The following PPP2R1B variants were observed in gnomAD, a reference collection of about 807,000 sequenced individuals.
The protein encoded by PPP2R1B is protein phosphatase 2 scaffold subunit Abeta.
A neutral mutation model predicts 72.7 loss-of-function variants in PPP2R1B; 58 were observed. That is an observed-to-expected ratio of 0.80 (90% CI 0.65 to 0.99). The LOEUF (loss-of-function observed/expected upper bound fraction) is 0.99. Ranked by LOEUF, PPP2R1B falls within the 50% of genes least tolerant of loss-of-function variation. The probability of loss-of-function intolerance (pLI) is 0.00; values close to 1 mark genes in which losing one functional copy is unlikely to be tolerated. For synonymous variants in PPP2R1B, 256 were observed against 264.6 expected (o/e 0.97, Z 0.32); for missense variants, 695 against 733.6 (o/e 0.95, Z 0.61).
At chr11:111,734,340 G>A (rs76205223), downstream of PPP2R1B, among the ~76,000 whole-genome samples, 4,048 of 152,290 alleles carry the variant, frequency 0.027, 80 homozygotes, top group Non-Finnish European at 0.036. Context: ...CTGAATTTTC[G>A]GAAATGAGTT....
chr11:111,705,331 A>G, the PPP2R1B span, among the ~76,000 whole-genome samples: 2 of 152,220 alleles, frequency 1.3e-5, no homozygotes, highest in Admixed American at 6.5e-5. The surrounding 1 kb of genome is among the most constrained non-coding windows in gnomAD (Gnocchi z 4.3). Context: ...CTTTATTTCA[A>G]ACAGTTTTTT....
chr11:111,723,359 CCCATTCCCACT>C, downstream of PPP2R1B: 1 of 910,322 alleles, frequency 1.1e-6, no homozygotes, highest in South Asian at 1.7e-5. Context: ...ACAATTGGTT[CCCATTCCCACT>C]TGTTTTTGCT....
At chr11:111,715,176 A>G in the PPP2R1B span, among the ~76,000 whole-genome samples, 3 of 152,354 alleles carry the variant, frequency 2.0e-5, no homozygotes, top group Admixed American at 2.0e-4. Flanking sequence ...CACACTGGCA[A>G]TGCCATGCTG....
chr11:111,742,634 G>A lies in PPP2R1B; in HGVS notation c.1586C>T (p.Thr529Ile), dbSNP rs1468372128. The change falls in exon 13 of 15, where the codon ACT becomes ATT. Residue 529 changes from threonine (T) to isoleucine (I), a missense_variant. Coordinates refer to ENST00000527614, the MANE Select transcript of PPP2R1B (RefSeq NM_002716.5). ...TACGATGGGCAGCATTTGCTTAGTA[G>A]TTATTTCCTGACCACAGGCCTCAGA... ...ALSEACGQEI[T>I]TKQMLPIVLK... is the part of the protein sequence containing the mutation. 1 of 1,613,262 alleles carries A rather than the reference G, an allele frequency of 6.2e-7. No homozygotes were observed. The highest frequency in any genetic ancestry group is 1.3e-5 in the African/African-American group (1 of 74,902).
chr11:111,721,814 C>A, the PPP2R1B span: 1 of 1,581,782 alleles, frequency 6.3e-7, no homozygotes, highest in South Asian at 1.2e-5. Flanking sequence ...ATTGTTTCCA[C>A]CCCCTTGCTC....
the PPP2R1B span, among the ~76,000 whole-genome samples, chr11:111,698,673 T>G: frequency 6.6e-6 from 1 of 152,198 alleles, no homozygotes; most frequent in Non-Finnish European, 1.5e-5. Flanking sequence ...ATCGTGCCAT[T>G]GCACTCTAGC....
chr11:111,762,082 T>C (rs1945349807), intron 3 of PPP2R1B, among the ~76,000 whole-genome samples: 1 of 152,120 alleles, frequency 6.6e-6, no homozygotes, highest in Non-Finnish European at 1.5e-5. Context: ...CATGGCCTAG[T>C]AAAAAGTGTA....
At chr11:111,711,178 G>A in the PPP2R1B span, among the ~76,000 whole-genome samples, 19 of 151,668 alleles carry the variant, frequency 1.3e-4, no homozygotes, top group Admixed American at 1.2e-3. Context: ...GAGTGCAGTG[G>A]CGGGATCTTG....
At chr11:111,747,175 A>G (rs1944732624) in intron 11 of PPP2R1B, among the ~76,000 whole-genome samples, 1 of 152,238 alleles carries the variant, frequency 6.6e-6, no homozygotes, top group Non-Finnish European at 1.5e-5. Context: ...ACATGACCCC[A>G]TAGGGGCACT....
At chr11:111,761,474 G>A (rs1230684789) in intron 3 of PPP2R1B, among the ~76,000 whole-genome samples, 1 of 152,206 alleles carries the variant, frequency 6.6e-6, no homozygotes, top group Non-Finnish European at 1.5e-5. Context: ...TCAGGTCACT[G>A]AGTCCACAGC....
the PPP2R1B span, among the ~76,000 whole-genome samples, chr11:111,718,141 G>A: frequency 9.2e-5 from 14 of 152,250 alleles, no homozygotes; most frequent in African/African-American, 3.4e-4. Flanking sequence ...AAATTTTGAC[G>A]GAGGCCGTAA....
downstream of PPP2R1B, chr11:111,722,885 C>T (rs982234912): frequency 3.9e-6 from 3 of 778,722 alleles, no homozygotes; most frequent in Non-Finnish European, 6.2e-6. This position sits in a 1 kb window ranked among gnomAD's most constrained non-coding sequence, Gnocchi z 4.4. Context: ...GTGTCACAGG[C>T]CCTCTGAGCA....
the PPP2R1B span, among the ~76,000 whole-genome samples, chr11:111,694,803 T>C: frequency 6.6e-6 from 1 of 152,076 alleles, no homozygotes; most frequent in Non-Finnish European, 1.5e-5. Context: ...TTGATTTGAT[T>C]TTTTTTTCCC....
intron 15 of PPP2R1B, among the ~76,000 whole-genome samples, chr11:111,731,426 G>C (rs990786160): frequency 6.6e-6 from 1 of 152,268 alleles, no homozygotes; most frequent in Admixed American, 6.5e-5. Flanking sequence ...GCACCCTTTT[G>C]AGGCCCAGCT....
the PPP2R1B span, chr11:111,701,150 GAGC>G: frequency 8.5e-7 from 1 of 1,176,344 alleles, no homozygotes; most frequent in Non-Finnish European, 1.2e-6. The surrounding 1 kb of genome is among the most constrained non-coding windows in gnomAD (Gnocchi z 4.2). Flanking sequence ...TAATTACTCA[GAGC>G]ATCTTGAAAT....
intron 10 of PPP2R1B, 30 bp from the exon 11 acceptor site, chr11:111,748,044 C>A: frequency 6.3e-7 from 1 of 1,590,954 alleles, no homozygotes; most frequent in Non-Finnish European, 8.6e-7. Context: ...CATTAACATA[C>A]ATTGCCAAAA....
intron 3 of PPP2R1B, among the ~76,000 whole-genome samples, chr11:111,764,542 T>A (rs1591716519): frequency 6.6e-6 from 1 of 151,396 alleles, no homozygotes; most frequent in East Asian, 1.9e-4. Context: ...ATAAAAACAA[T>A]CAAACCCTTT....
At chr11:111,766,007 G>T in intron 1 of PPP2R1B, 1 of 585,086 alleles carries the variant, frequency 1.7e-6, no homozygotes, top group Non-Finnish European at 3.2e-6. Flanking sequence ...CGCCCGGGAA[G>T]GGCAAGGCTC....
At chr11:111,760,064 G>C in intron 4 of PPP2R1B, 113 bp from the exon 5 acceptor site, 2 of 1,146,668 alleles carry the variant, frequency 1.7e-6, no homozygotes, top group Non-Finnish European at 2.4e-6. Context: ...CAGTGACTAA[G>C]CTTCTACTTA....
Sources: allele counts gnomAD v4.1 joint callset (sites outside exome capture counted in the v4.1 genomes callset), GRCh38; gene constraint gnomAD v4.1.1; non-coding constraint Gnocchi (gnomAD v3.1); transcripts MANE v1.5; gene names NCBI Gene and HGNC (gene_info 2026-07-23, HGNC 2026-07-21).